The following ARFGEF3 variants were observed in gnomAD, a reference collection of about 807,000 sequenced individuals.
The protein encoded by ARFGEF3 is brefeldin A-inhibited guanine nucleotide-exchange protein 3.
A neutral mutation model predicts 221.7 loss-of-function variants in ARFGEF3; 96 were observed. The ratio of observed to expected loss-of-function variants is 0.43; its 90% CI spans 0.37 to 0.51. The LOEUF (loss-of-function observed/expected upper bound fraction) is 0.51, where lower values mean the gene tolerates loss of function less well. Ranked by LOEUF, ARFGEF3 falls within the 20% of genes least tolerant of loss-of-function variation. The pLI is 0.00. For synonymous variants in ARFGEF3, 1,145 were observed against 1,126.8 expected, an observed-to-expected ratio of 1.02 and a Z score of -0.32; for missense variants, 2,410 against 2,789.9, an observed-to-expected ratio of 0.86 and a Z score of 3.07.
At chr6:138,248,722 G>A (rs1472264475) in intron 8 of ARFGEF3, among the ~76,000 whole-genome samples, 1 of 151,944 alleles carries the variant, frequency 6.6e-6, no homozygotes, top group Non-Finnish European at 1.5e-5. Flanking sequence ...GCTACTAGGG[G>A]GGCTGAGGCA....
At chr6:138,180,053 TCCTCCCACCTTAG>T (rs1777047039) in intron 2 of ARFGEF3, among the ~76,000 whole-genome samples, 1 of 152,246 alleles carries the variant, frequency 6.6e-6, no homozygotes, top group African/African-American at 2.4e-5. Flanking sequence ...CTTCAAGCGA[TCCTCCCACCTTAG>T]CCTCCCAAAG....
intron 29 of ARFGEF3, among the ~76,000 whole-genome samples, chr6:138,321,950 G>C (rs557839049): frequency 7.2e-5 from 11 of 152,318 alleles, no homozygotes; most frequent in Admixed American, 1.3e-4. Flanking sequence ...GCAAGGAGGA[G>C]CAAGTCACAT....
chr6:138,255,729 C>T lies in ARFGEF3; in HGVS notation c.1064C>T (p.Pro355Leu), dbSNP rs200706886. ...SLYHRVLLYP[P>L]PQHRVEAIKI... ...TACCACCGAGTGCTGCTCTACCCCC[C>T]ACCCCAGCACCGGGTGGAAGCCATC... Residue 355 changes from proline to leucine, a missense_variant, in exon 10 of 34, where the codon CCA (proline) becomes CTA (leucine). This residue lies in a region of ARFGEF3 where 570 missense variants were observed against 586.9 expected (regional missense o/e 0.97). Coordinates refer to ENST00000251691, the MANE Select transcript of ARFGEF3 (RefSeq NM_020340.5). 1.3e-5 allele frequency: 20 copies of T among 1,596,838 alleles called. No homozygotes were observed. Among genetic ancestry groups the T allele is most frequent in the East Asian group, 2.3e-5 (1 of 44,384 alleles).
chr6:138,312,694 C>T (rs1386374767), intron 25 of ARFGEF3, among the ~76,000 whole-genome samples: 1 of 152,138 alleles, frequency 6.6e-6, no homozygotes, highest in Non-Finnish European at 1.5e-5. Context: ...CTGCCAATTC[C>T]TGCCAAGATC....
At chr6:138,290,986 G>A (rs1486792013) in intron 18 of ARFGEF3, among the ~76,000 whole-genome samples, 1 of 152,186 alleles carries the variant, frequency 6.6e-6, no homozygotes, top group Non-Finnish European at 1.5e-5. Flanking sequence ...GCGGGTAAGG[G>A]ATTGAAAAAT....
At chr6:138,285,450 G>A (rs1189880172) in intron 14 of ARFGEF3, among the ~76,000 whole-genome samples, 6 of 140,310 alleles carry the variant, frequency 4.3e-5, no homozygotes, top group Non-Finnish European at 6.1e-5. Flanking sequence ...TGAGACTCCC[G>A]TCTCAAAAAA....
At chr6:138,189,242 A>G (rs141775517) in intron 2 of ARFGEF3, among the ~76,000 whole-genome samples, 2 of 152,364 alleles carry the variant, frequency 1.3e-5, no homozygotes, top group Non-Finnish European at 2.9e-5. Context: ...CACTTGTGAA[A>G]AAAGGTAATG....
At chr6:138,214,037 T>G (rs1777786433) in intron 4 of ARFGEF3, among the ~76,000 whole-genome samples, 1 of 152,172 alleles carries the variant, frequency 6.6e-6, no homozygotes, top group Non-Finnish European at 1.5e-5. Flanking sequence ...ATAATAAGTT[T>G]TATCCCTCTT....
Position 138,336,808 on chromosome 6 carries a change from CA to C in ARFGEF3, c.*324del, listed in dbSNP as rs1289803220. 1 of 182,526 alleles carries C rather than the reference CA, an allele frequency of 5.5e-6. No homozygotes were observed. The highest frequency in any genetic ancestry group is 1.1e-5 in the Non-Finnish European group (1 of 88,522). 11.3% of individuals were successfully genotyped at this position (182,526 alleles called of 1,614,324 possible). ...GTGTTGTCCCCAAATGGGTCATTTT[CA>C]AGGATTACTCATTTGAAAACACTAT... On this transcript the variant is annotated 3_prime_UTR_variant, in exon 34 of 34. Coordinates refer to ENST00000251691, the MANE Select transcript of ARFGEF3 (RefSeq NM_020340.5).
intron 9 of ARFGEF3, among the ~76,000 whole-genome samples, chr6:138,254,910 A>G (rs1382981483): frequency 6.6e-6 from 1 of 152,178 alleles, no homozygotes; most frequent in African/African-American, 2.4e-5. Flanking sequence ...CATGTAACTT[A>G]TGCAGGGGGC....
chr6:138,187,135 G>A (rs916124327), intron 2 of ARFGEF3, among the ~76,000 whole-genome samples: 1 of 151,834 alleles, frequency 6.6e-6, no homozygotes, highest in Non-Finnish European at 1.5e-5. Flanking sequence ...GGTTGGTCTC[G>A]AATTCCTGAC....
rs1351946363 is a variant in ARFGEF3, at chr6:138,311,514, G to C, written c.4200+4G>C. On this transcript the variant is annotated splice_donor_region_variant and intron_variant, in intron 25 of 33. Coordinates refer to ENST00000251691, the MANE Select transcript of ARFGEF3 (RefSeq NM_020340.5). The stretch of plus-strand genomic sequence containing the variant: ...TTACCTCAGGCGCTGCTCTCAGGTA[G>C]GGGAATGGTCCAGCTGGGCTCCCGG... The C allele has an allele frequency of 1.3e-6, 2 of 1,579,532 alleles. No homozygotes were observed. The highest frequency in any genetic ancestry group is 1.3e-5 in the African/African-American group (1 of 74,284).
rs755694062 is a variant in ARFGEF3 at position 138,335,031 on chromosome 6, C to A, written c.6185C>A (p.Pro2062Gln). ...CTGGGTCCCAGGGGCCAGGACTCCC[C>A]GCTGCTTCAGCGTCCCCAGCACTTG... ...EPLGPRGQDS[P>Q]LLQRPQHLMD... The change falls in exon 33 of 34, where the codon CCG (proline) becomes CAG (glutamine). Residue 2062 changes from proline (P) to glutamine (Q), a missense_variant. Around this residue, in one of 5 missense-constraint regions of ARFGEF3, gnomAD observed 339 missense variants for 334.9 expected, o/e 1.01. Transcript: ENST00000251691. 1.9e-6 allele frequency: 3 copies of A among 1,593,756 alleles called. No individual in the cohort carries two copies. The highest frequency in any genetic ancestry group is 4.6e-5 in the East Asian group (2 of 43,730).
chr6:138,263,551 C>G lies in ARFGEF3; in HGVS notation c.2068C>G (p.Leu690Val). ...AGGCCTCCTCCCTCGGCTCCTGTCT[C>G]TCTCCAATGTAGAGGAGGTGGACAC... ...LEGLLPRLLS[L>V]SNVEEVDTAL... Residue 690 changes from leucine to valine, a missense_variant, in exon 12 of 34, where the codon CTC becomes GTC. Coordinates refer to ENST00000251691, the MANE Select transcript of ARFGEF3 (RefSeq NM_020340.5). The G allele has an allele frequency of 6.2e-7, 1 of 1,612,938 alleles. No homozygotes were observed.
At chr6:138,239,765 T>G (rs1225025508) in intron 6 of ARFGEF3, among the ~76,000 whole-genome samples, 1 of 152,202 alleles carries the variant, frequency 6.6e-6, no homozygotes, top group Non-Finnish European at 1.5e-5. Flanking sequence ...GTAATTATTT[T>G]TAATTTCAAT....
rs9494979 is a variant in ARFGEF3 at position 138,234,339 on chromosome 6, C to T, written c.421-4170C>T. ...GAGGCAAGTCACAATCAGATTTCTCCGGGTATGCCTGGCACTTTTAGAATT... is the reference window on the plus strand; with the variant it reads ...GAGGCAAGTCACAATCAGATTTCTCTGGGTATGCCTGGCACTTTTAGAATT... On this transcript the variant is annotated intron_variant, in intron 5 of 33. Coordinates refer to ENST00000251691, the MANE Select transcript of ARFGEF3 (RefSeq NM_020340.5). Among the ~76,000 whole-genome samples, 999 of 152,270 alleles carry T rather than the reference C, an allele frequency of 6.6e-3. 10 individuals carry two copies. Among genetic ancestry groups the T allele is most frequent in the African/African-American group, 0.022 (906 of 41,542 alleles).
chr6:138,274,832 G>C (rs996658266), intron 12 of ARFGEF3, among the ~76,000 whole-genome samples: 2 of 148,512 alleles, frequency 1.3e-5, no homozygotes, highest in Non-Finnish European at 3.0e-5. Context: ...GCCTTGCCAG[G>C]CATGGTGGCT....
At chr6:138,258,574 G>C (rs756725862) in intron 10 of ARFGEF3, among the ~76,000 whole-genome samples, 1 of 152,196 alleles carries the variant, frequency 6.6e-6, no homozygotes, top group East Asian at 1.9e-4. Flanking sequence ...ATTCCATCCC[G>C]CCATTTAACA....
At chr6:138,235,632 T>C (rs1446047537) in intron 5 of ARFGEF3, among the ~76,000 whole-genome samples, 2 of 152,182 alleles carry the variant, frequency 1.3e-5, no homozygotes, top group Admixed American at 1.3e-4. Flanking sequence ...ATAGTTGGTC[T>C]TGAATACAAT....
Sources: allele counts gnomAD v4.1 joint callset (sites outside exome capture counted in the v4.1 genomes callset), GRCh38; gene constraint gnomAD v4.1.1; regional missense constraint gnomAD v4.1.1; transcripts MANE v1.5; gene names NCBI Gene and HGNC (gene_info 2026-07-23, HGNC 2026-07-21).